NRXN2: variants seen among roughly 807,000 people sequenced by gnomAD.
NRXN2 encodes the protein neurexin 2, also known as neurexin-2-beta.
Under a neutral mutation model 128.8 loss-of-function variants are expected in NRXN2, and 29 were observed. The ratio of observed to expected loss-of-function variants is 0.23; its 90% confidence interval spans 0.17 to 0.31. The LOEUF (loss-of-function observed/expected upper bound fraction) is 0.31. Ranked by LOEUF, NRXN2 falls within the 10% of genes least tolerant of loss-of-function variation. The probability of loss-of-function intolerance (pLI) is 1.00; values close to 1 mark genes in which losing one functional copy is unlikely to be tolerated. For synonymous variants in NRXN2, 1,098 were observed against 1,075.2 expected (o/e 1.02, Z -0.41); for missense variants, 1,881 against 2,452.6 (o/e 0.77, Z 4.92).
At chr11:64,686,408 C>T (rs898548163) in intron 5 of NRXN2, among the ~76,000 whole-genome samples, 1 of 152,210 alleles carries the variant, frequency 6.6e-6, no homozygotes, top group Non-Finnish European at 1.5e-5. Context: ...TCCCTTCCTG[C>T]CCCTCCTCCA....
intron 6 of NRXN2, among the ~76,000 whole-genome samples, chr11:64,684,888 G>A (rs1243258913): frequency 6.6e-6 from 1 of 152,220 alleles, no homozygotes; most frequent in Non-Finnish European, 1.5e-5. Context: ...GCCAATGCAG[G>A]AAGGACTCTG....
chr11:64,622,045 CAT>C lies in NRXN2; in HGVS notation c.4173+706_4173+707del, dbSNP rs2042422812. Among the ~76,000 whole-genome samples the C allele has an allele frequency of 6.6e-6, 1 of 152,118 alleles. No homozygotes were observed. The highest frequency in any genetic ancestry group is 6.5e-5 in the Admixed American group (1 of 15,276). Reference sequence around the variant, plus strand: ...AGCCTGGGACTAGGCTAGCTGGGGCCATCCAGATCAGCAGGTGGGGTGAGCAC... The same window carrying C: ...AGCCTGGGACTAGGCTAGCTGGGGCCCCAGATCAGCAGGTGGGGTGAGCAC... On this transcript the variant is annotated intron_variant, in intron 21 of 22. Transcript: ENST00000265459. The surrounding 1 kb of genome is among the most constrained non-coding windows in gnomAD (Gnocchi z 4.3).
chr11:64,626,117 C>T (rs1591579530), intron 20 of NRXN2, among the ~76,000 whole-genome samples: 1 of 152,168 alleles, frequency 6.6e-6, no homozygotes, highest in Non-Finnish European at 1.5e-5. Flanking sequence ...GAACCTACCT[C>T]CAAGCTGCAT....
intron 5 of NRXN2, among the ~76,000 whole-genome samples, chr11:64,687,287 T>A (rs1278055008): frequency 3.3e-5 from 5 of 152,152 alleles, no homozygotes; most frequent in South Asian, 4.1e-4. Flanking sequence ...GCAGCAGTGC[T>A]ATGTGTTGAG....
chr11:64,704,897 A>G (rs2056062005), intron 2 of NRXN2, among the ~76,000 whole-genome samples: 1 of 152,166 alleles, frequency 6.6e-6, no homozygotes, highest in African/African-American at 2.4e-5. Flanking sequence ...ATGCTTAGGG[A>G]GGCAGAGAGG....
At chr11:64,645,254 G>C (rs768422880) in intron 17 of NRXN2, among the ~76,000 whole-genome samples, 1 of 152,082 alleles carries the variant, frequency 6.6e-6, no homozygotes, top group African/African-American at 2.4e-5. Flanking sequence ...AGCCGGTGGC[G>C]AGAGGAAAGG....
At chr11:64,618,132 G>C (rs1215409416) in intron 22 of NRXN2, among the ~76,000 whole-genome samples, 1 of 152,152 alleles carries the variant, frequency 6.6e-6, no homozygotes, top group African/African-American at 2.4e-5. Context: ...CTGCTTCAGC[G>C]CCTCCTCACC....
intron 20 of NRXN2, among the ~76,000 whole-genome samples, chr11:64,624,365 A>C (rs1340819504): frequency 6.6e-6 from 1 of 151,908 alleles, no homozygotes; most frequent in Admixed American, 6.6e-5. Context: ...CCAGCCCCCC[A>C]CTCAGCCTTC....
chr11:64,707,663 C>T (rs766860613), intron 2 of NRXN2, among the ~76,000 whole-genome samples: 20 of 152,208 alleles, frequency 1.3e-4, no homozygotes, highest in Admixed American at 4.6e-4. Context: ...AAAGTAGGTA[C>T]CATTATTATC....
At chr11:64,680,515 G>A (rs2052071546) in intron 6 of NRXN2, among the ~76,000 whole-genome samples, 1 of 152,188 alleles carries the variant, frequency 6.6e-6, no homozygotes, top group African/African-American at 2.4e-5. Flanking sequence ...GGAACAGAGT[G>A]GTTTCAAAAT....
chr11:64,620,499 A>C, intron 21 of NRXN2, 127 bp from the exon 22 acceptor site: 4 of 742,098 alleles, frequency 5.4e-6, no homozygotes, highest in Non-Finnish European at 9.4e-6. Flanking sequence ...GACTGGTCTG[A>C]GTCCCAGCCC....
At chr11:64,707,141 C>T (rs901416243) in intron 2 of NRXN2, among the ~76,000 whole-genome samples, 2 of 151,874 alleles carry the variant, frequency 1.3e-5, no homozygotes, top group African/African-American at 4.8e-5. Flanking sequence ...CTTTGGGAGG[C>T]CAAGGTGGGC....
At chr11:64,662,504 G>A (rs965154166) in intron 9 of NRXN2, among the ~76,000 whole-genome samples, 2 of 152,156 alleles carry the variant, frequency 1.3e-5, no homozygotes, top group Non-Finnish European at 2.9e-5. Context: ...GGTCGGGGCC[G>A]GGCACAGTGG....
At chr11:64,614,554 G>C (rs1010517364) in intron 22 of NRXN2, among the ~76,000 whole-genome samples, 1 of 152,216 alleles carries the variant, frequency 6.6e-6, no homozygotes, top group African/African-American at 2.4e-5. Context: ...ACAAAGGAGA[G>C]GGGAGTCTCC....
intron 17 of NRXN2, among the ~76,000 whole-genome samples, chr11:64,639,298 C>T (rs2045297353): frequency 6.6e-6 from 1 of 152,152 alleles, no homozygotes; most frequent in Non-Finnish European, 1.5e-5. Flanking sequence ...AGAACACAGC[C>T]TTTCAATTCC....
intron 17 of NRXN2, among the ~76,000 whole-genome samples, chr11:64,638,292 C>A (rs2045100474): frequency 6.6e-6 from 1 of 152,154 alleles, no homozygotes; most frequent in Non-Finnish European, 1.5e-5. Context: ...GGGGACTGGG[C>A]GGAGAGACAC....
rs1408206412 is a variant in NRXN2 at position 64,607,263 on chromosome 11, T to G, written c.5072A>C (p.Lys1691Thr). ...AQSNGAVVKE[K>T]APAAPKTPSK... ...GGGCGTCTTGGGGGCAGCCGGGGCC[T>G]TCTCTTTCACCACCGCCCCATTGCT... is the stretch of plus-strand genomic sequence containing the variant. Residue 1691 changes from lysine to threonine, a missense_variant, in exon 23 of 23, where the codon AAG (lysine) becomes ACG (threonine). Coordinates refer to ENST00000265459, the MANE Select transcript of NRXN2 (RefSeq NM_015080.4). 6.2e-7 allele frequency: 1 copy of G among 1,613,892 alleles called. No individual in the cohort carries two copies. The highest frequency in any genetic ancestry group is 8.5e-7 in the Non-Finnish European group (1 of 1,179,926).
At chr11:64,629,941 T>C (rs1416409939) in intron 19 of NRXN2, among the ~76,000 whole-genome samples, 4 of 152,176 alleles carry the variant, frequency 2.6e-5, no homozygotes, top group Admixed American at 2.0e-4. Flanking sequence ...GTTCTTTCCT[T>C]GGCTCTGCCC....
At chr11:64,643,711 C>G (rs1463346510) in intron 17 of NRXN2, among the ~76,000 whole-genome samples, 2 of 151,768 alleles carry the variant, frequency 1.3e-5, no homozygotes, top group African/African-American at 4.8e-5. Context: ...CGCGCGGCAC[C>G]TGGCTAGCCC....
Sources: allele counts gnomAD v4.1 joint callset (sites outside exome capture counted in the v4.1 genomes callset), GRCh38; gene constraint gnomAD v4.1.1; non-coding constraint Gnocchi (gnomAD v3.1); transcripts MANE v1.5; gene names NCBI Gene and HGNC (gene_info 2026-07-23, HGNC 2026-07-21).